SMAD2: variants seen among roughly 807,000 people sequenced by gnomAD.
SMAD2 encodes MAD homolog 2.
SMAD2 carries 8 observed loss-of-function variants against 64.4 expected under a neutral mutation model. The ratio of observed to expected loss-of-function variants is 0.12; its 90% CI spans 0.07 to 0.22. The LOEUF is 0.22. SMAD2 is among the 10% of genes least tolerant of loss of function. The pLI is 1.00. For synonymous variants in SMAD2, 203 were observed against 195.8 expected, an observed-to-expected ratio of 1.04 and a Z score of -0.31; for missense variants, 289 against 561.2, an observed-to-expected ratio of 0.51 and a Z score of 4.90.
chr18:47,916,846 G>C (rs1348354558), intron 1 of SMAD2, among the ~76,000 whole-genome samples: 1 of 152,144 alleles, frequency 6.6e-6, no homozygotes, highest in African/African-American at 2.4e-5. Context: ...CAGTATTCTT[G>C]CAGTTTTAAA....
At chr18:47,861,339 C>A (rs996283125) in intron 6 of SMAD2, among the ~76,000 whole-genome samples, 37 of 150,542 alleles carry the variant, frequency 2.5e-4, no homozygotes, top group African/African-American at 9.0e-4. Context: ...AACAATCAAA[C>A]AAAAAAAAAC....
At chr18:47,876,572 TA>T (rs934174947) in intron 2 of SMAD2, among the ~76,000 whole-genome samples, 1 of 152,064 alleles carries the variant, frequency 6.6e-6, no homozygotes, top group Non-Finnish European at 1.5e-5. Flanking sequence ...ATTAAAGTCA[TA>T]AACATACTAA....
chr18:47,863,052 C>A (rs190380152), intron 6 of SMAD2, among the ~76,000 whole-genome samples: 23 of 151,446 alleles, frequency 1.5e-4, no homozygotes, highest in African/African-American at 5.1e-4. Context: ...CCTAATTTAT[C>A]CTCTGGTTGC....
At chr18:47,854,803 T>A (rs535470646) in intron 6 of SMAD2, among the ~76,000 whole-genome samples, 50 of 152,248 alleles carry the variant, frequency 3.3e-4, no homozygotes, top group Non-Finnish European at 3.4e-4. Flanking sequence ...AAATTCCCTA[T>A]AACATCCGCA....
Position 47,824,320 on chromosome 18 carries a change from C to T in SMAD2, c.*17507G>A, listed in dbSNP as rs940838220. The T allele has an allele frequency of 6.6e-6, 1 of 152,206 alleles. No individual in the cohort carries two copies. The highest frequency in any genetic ancestry group is 6.5e-5 in the Admixed American group (1 of 15,280). 9.4% of individuals were successfully genotyped at this position (152,206 alleles called of 1,614,324 possible). ...CCAGAAGAAACCACGCCAGCTTGCA[C>T]AAACACTATTCGCAACCTTACACAG... On this transcript the variant is annotated 3_prime_UTR_variant, in exon 11 of 11. Coordinates refer to ENST00000262160, the MANE Select transcript of SMAD2 (RefSeq NM_005901.6).
intron 2 of SMAD2, among the ~76,000 whole-genome samples, chr18:47,874,496 A>G (rs988961096): frequency 1.3e-5 from 2 of 152,164 alleles, no homozygotes; most frequent in South Asian, 4.1e-4. Context: ...ATCTAACTAA[A>G]CTGAATATAT....
intron 1 of SMAD2, among the ~76,000 whole-genome samples, chr18:47,928,916 T>G (rs1359831959): frequency 6.6e-6 from 1 of 152,214 alleles, no homozygotes; most frequent in African/African-American, 2.4e-5. Context: ...GGCACACTCT[T>G]TAGAAATGCC....
chr18:47,836,696 T>C lies in SMAD2; in HGVS notation c.*5131A>G, dbSNP rs1158588276. Reference sequence around the variant, plus strand: ...TTCTGCTATATATAGTTAGCTACAATATTCAAGATAAAACAGTTCCTACTC... The same window carrying C: ...TTCTGCTATATATAGTTAGCTACAACATTCAAGATAAAACAGTTCCTACTC... On this transcript the variant is annotated 3_prime_UTR_variant, in exon 11 of 11. Transcript: ENST00000262160. The C allele has an allele frequency of 4.6e-6, 1 of 217,840 alleles. No homozygotes were observed. The allele number at this position is 217,840 out of a possible 1,614,324, so 13.5% of individuals were successfully genotyped here.
At position 47,828,339 on chromosome 18, in the gene SMAD2, C is replaced by G. The variant is rs992699168; in HGVS notation, c.*13488G>C. On this transcript the variant is annotated 3_prime_UTR_variant, in exon 11 of 11. Transcript: ENST00000262160. ...GGGGGCAGCCCCCGGCCAGCATCCACCCCGTCCGGGAGGTGGGGGGGCGCC... is the reference window on the plus strand; with the variant it reads ...GGGGGCAGCCCCCGGCCAGCATCCAGCCCGTCCGGGAGGTGGGGGGGCGCC... 1.9e-5 allele frequency: 3 copies of G among 155,348 alleles called. No individual in the cohort carries two copies. The highest frequency in any genetic ancestry group is 4.2e-5 in the Non-Finnish European group (3 of 71,404). 9.6% of individuals were successfully genotyped at this position (155,348 alleles called of 1,614,324 possible). A position where few individuals can be genotyped will look rare whatever the true frequency, so the allele number is the denominator to read the frequency against.
At chr18:47,884,427 C>T (rs1045238053) in intron 2 of SMAD2, among the ~76,000 whole-genome samples, 2 of 152,054 alleles carry the variant, frequency 1.3e-5, no homozygotes, top group Non-Finnish European at 2.9e-5. Context: ...GAGACAGAGG[C>T]CACATTTTTA....
intron 8 of SMAD2, 115 bp downstream of exon 8, chr18:47,848,360 C>T (rs1482102613): frequency 2.5e-6 from 2 of 791,544 alleles, no homozygotes; most frequent in African/African-American, 1.7e-5. Flanking sequence ...GCACTTAAAC[C>T]ACCAGAGAGA....
Position 47,868,360 on chromosome 18 carries a change from G to C in SMAD2, c.618C>G (p.Phe206Leu), listed in dbSNP as rs2144373055. ...YTHSIPENTN[F>L]PAGIEPQSNY... ...TACTCTGTGGCTCAATTCCTGCTGG[G>C]AAGTTAGTGTTTTCTGGAATGGAGT... Residue 206 changes from phenylalanine (F) to leucine (L), a missense_variant, in exon 5 of 11, where the codon TTC (phenylalanine) becomes TTG (leucine). This residue lies in a region of SMAD2 where 119 missense variants were observed against 156.7 expected (regional missense o/e 0.76). Coordinates refer to ENST00000262160, the MANE Select transcript of SMAD2 (RefSeq NM_005901.6). The C allele has an allele frequency of 6.2e-7, 1 of 1,613,002 alleles. No homozygotes were observed. Among genetic ancestry groups the C allele is most frequent in the Non-Finnish European group, 8.5e-7 (1 of 1,179,184 alleles).
intron 1 of SMAD2, among the ~76,000 whole-genome samples, chr18:47,903,889 G>GA (rs1555660348): frequency 5.8e-4 from 56 of 95,856 alleles, no homozygotes; most frequent in African/African-American, 1.9e-3. Context: ...GGGGGGGGGG[G>GA]ACTCAGAATA....
intron 2 of SMAD2, 108 bp downstream of exon 2, chr18:47,896,413 T>C (rs1443990863): frequency 7.1e-6 from 8 of 1,121,298 alleles, no homozygotes; most frequent in Non-Finnish European, 1.1e-5. Context: ...AACAGTCATA[T>C]TTCAATCATC....
chr18:47,822,774 G>T lies in SMAD2; in HGVS notation c.*19053C>A, dbSNP rs1912617596. 1.3e-5 allele frequency: 2 copies of T among 152,186 alleles called. 1 individual carries two copies. The highest frequency in any genetic ancestry group is 4.8e-5 in the African/African-American group (2 of 41,424). The allele number at this position is 152,186 out of a possible 1,614,324, so 9.4% of individuals were successfully genotyped here. On this transcript the variant is annotated 3_prime_UTR_variant, in exon 11 of 11. Transcript: ENST00000262160. ...GTTTCAGTGCAACTTCTGCCTCCAGGGTTCAAGCAATTCTGTCTCAGCCTC... is the reference window on the plus strand; with the variant it reads ...GTTTCAGTGCAACTTCTGCCTCCAGTGTTCAAGCAATTCTGTCTCAGCCTC...
rs1374854623 is a variant in SMAD2, at chr18:47,823,654, C to T, written c.*18173G>A. The T allele has an allele frequency of 6.6e-6, 1 of 152,108 alleles. No homozygotes were observed. The highest frequency in any genetic ancestry group is 2.4e-5 in the African/African-American group (1 of 41,402). The allele number at this position is 152,108 out of a possible 1,614,324, so 9.4% of individuals were successfully genotyped here. On this transcript the variant is annotated 3_prime_UTR_variant, in exon 11 of 11. Transcript: ENST00000262160. ...AGCTAGAGACATTCAAACTGCAAAC[C>T]AGGACAAAAAGTTGATGATTTCAGG...
chr18:47,917,499 T>C (rs1464663061), intron 1 of SMAD2, among the ~76,000 whole-genome samples: 1 of 152,192 alleles, frequency 6.6e-6, no homozygotes, highest in Non-Finnish European at 1.5e-5. Context: ...TACCATCTTA[T>C]TTTGTGTTTT....
rs753031846 is a variant in SMAD2, at chr18:47,841,931, T to A, written c.1300A>T (p.Thr434Ser). Residue 434 changes from threonine to serine, a missense_variant, in exon 11 of 11, where the codon ACT (threonine) becomes TCT (serine). By Grantham distance (58) the Thr-to-Ser change is moderately conservative (BLOSUM62 1). Around this residue, in one of 6 missense-constraint regions of SMAD2, gnomAD observed 20 missense variants for 82.8 expected, o/e 0.24. Coordinates refer to ENST00000262160, the MANE Select transcript of SMAD2 (RefSeq NM_005901.6). ...AEYRRQTVTS[T>S]PCWIELHLNG... ...AGATGAAGTTCAATCCAGCAAGGAG[T>A]ACTTGTTACCGTCTGCCTTCTGTTT... is the stretch of plus-strand genomic sequence containing the variant. 6.2e-7 allele frequency: 1 copy of A among 1,614,008 alleles called. No homozygotes were observed. Among genetic ancestry groups the A allele is most frequent in the Non-Finnish European group, 8.5e-7 (1 of 1,179,942 alleles).
intron 2 of SMAD2, among the ~76,000 whole-genome samples, chr18:47,892,616 G>A (rs958845809): frequency 2.0e-5 from 3 of 151,428 alleles, no homozygotes; most frequent in Non-Finnish European, 2.9e-5. Flanking sequence ...CGCTATTCTT[G>A]TTTAATTGTG....
Sources: gnomAD v4.1 joint callset for allele counts (sites outside exome capture counted in the v4.1 genomes callset) on GRCh38, gnomAD v4.1.1 for gene constraint, gnomAD v4.1.1 regional missense constraint, MANE v1.5 for transcripts, NCBI Gene and HGNC (gene_info 2026-07-23, HGNC 2026-07-21) for gene names.